Variants in GRP observed in about 807,000 individuals in gnomAD.
The protein encoded by GRP is gastrin-releasing peptide.
A neutral mutation model predicts 12.7 loss-of-function variants in GRP; 11 were observed. The ratio of observed to expected loss-of-function variants is 0.87; its 90% CI spans 0.55 to 1.44. The LOEUF (loss-of-function observed/expected upper bound fraction) is 1.44. Ranked by LOEUF, GRP falls within the 40% of genes most tolerant of loss-of-function variation. The pLI is 0.00. For missense variants in GRP, 212 were observed against 185.4 expected (o/e 1.14, Z -0.83); for synonymous variants, 84 against 77.7 (o/e 1.08, Z -0.43).
rs1386449278 is a variant in GRP at position 59,220,272 on chromosome 18, G to C, written c.7G>C (p.Gly3Arg). 6.0e-6 allele frequency: 9 copies of C among 1,504,288 alleles called. No individual in the cohort carries two copies. Among genetic ancestry groups the C allele is most frequent in the Admixed American group, 2.1e-5 (1 of 48,298 alleles). The allele number at this position is 1,504,288 out of a possible 1,614,324, so 93.2% of individuals were successfully genotyped here. Residue 3 changes from glycine (G) to arginine (R), a missense_variant, in exon 1 of 3, where the codon GGC becomes CGC. Transcript: ENST00000256857. MRGRELPLVLLAL... is the reference protein window; with the variant it reads MRRRELPLVLLAL... Reference sequence around the variant, plus strand: ...AGGGCTTCCCGTCGGGACCATGCGCGGCCGTGAGCTCCCGCTGGTCCTGCT... The same window carrying C: ...AGGGCTTCCCGTCGGGACCATGCGCCGCCGTGAGCTCCCGCTGGTCCTGCT...
At chr18:59,224,918 C>T (rs910894975) in intron 1 of GRP, among the ~76,000 whole-genome samples, 7 of 152,118 alleles carry the variant, frequency 4.6e-5, no homozygotes, top group African/African-American at 1.7e-4. Context: ...TCAGTCTCAA[C>T]TAAAACTCTG....
chr18:59,220,143 C>T (rs915575920), upstream of GRP: 6 of 618,618 alleles, frequency 9.7e-6, no homozygotes, highest in East Asian at 1.4e-4. Context: ...AAGTAGGGGC[C>T]CTAGTGGAGG....
chr18:59,221,402 C>A (rs1027618986), intron 1 of GRP, among the ~76,000 whole-genome samples: 4 of 152,174 alleles, frequency 2.6e-5, no homozygotes, highest in African/African-American at 9.7e-5. Flanking sequence ...GCTCACCCAG[C>A]ATCACCCCAG....
Position 59,225,700 on chromosome 18 carries a change from C to A in GRP, c.348C>A (p.Ser116Arg), listed in dbSNP as rs774136101. The change falls in exon 2 of 3, where the codon AGC becomes AGA. Residue 116 changes from serine to arginine, a missense_variant. Coordinates refer to ENST00000256857, the MANE Select transcript of GRP (RefSeq NM_002091.5). ...NQQPSWDSED[S>R]SNFKDVGSKG... ...AGCCTTCGTGGGATTCAGAGGATAG[C>A]AGCAACTTCAAAGATGTAGGTTCAA... 38 of 1,613,862 alleles carry A rather than the reference C, an allele frequency of 2.4e-5. No individual in the cohort carries two copies. Among genetic ancestry groups the A allele is most frequent in the Non-Finnish European group, 3.2e-5 (38 of 1,179,954 alleles).
chr18:59,224,911 G>T (rs545251383), intron 1 of GRP, among the ~76,000 whole-genome samples: 1 of 152,066 alleles, frequency 6.6e-6, no homozygotes, highest in Admixed American at 6.6e-5. Context: ...TCTCAGTTCA[G>T]TCTCAACTAA....
At chr18:59,221,476 C>A (rs957978879) in intron 1 of GRP, among the ~76,000 whole-genome samples, 29 of 152,284 alleles carry the variant, frequency 1.9e-4, no homozygotes, top group African/African-American at 6.0e-4. Flanking sequence ...CTCACTCCCC[C>A]ACCTACCCGC....
chr18:59,223,200 T>C (rs1306176312), intron 1 of GRP, among the ~76,000 whole-genome samples: 2 of 152,246 alleles, frequency 1.3e-5, no homozygotes. Flanking sequence ...CAAGTGCCTG[T>C]CTTTTGTCTA....
chr18:59,228,449 T>C (rs982123599), intron 2 of GRP, among the ~76,000 whole-genome samples: 6 of 152,206 alleles, frequency 3.9e-5, no homozygotes, highest in Admixed American at 6.5e-5. Flanking sequence ...TATGCTCTCC[T>C]CTCTCATTTT....
intron 1 of GRP, among the ~76,000 whole-genome samples, chr18:59,222,073 T>G (rs995002288): frequency 3.9e-5 from 6 of 152,206 alleles, no homozygotes; most frequent in African/African-American, 1.4e-4. Context: ...GGCCATTATC[T>G]GGCCCAGCCA....
At chr18:59,227,012 T>TCTTTCTTTCTTTCTTTCTTC (rs2069940250) in intron 2 of GRP, among the ~76,000 whole-genome samples, 8 of 130,272 alleles carry the variant, frequency 6.1e-5, no homozygotes, top group African/African-American at 1.5e-4. Flanking sequence ...TTTCTTTCTT[T>TCTTTCTTTCTTTCTTTCTTC]CTTTCTTTCT....
chr18:59,230,287 G>T (rs771757995), intron 2 of GRP, 117 bp from the exon 3 acceptor site: 5 of 701,112 alleles, frequency 7.1e-6, no homozygotes, highest in South Asian at 1.6e-5. Flanking sequence ...GCTGAACCAA[G>T]AATTTGCCTT....
Position 59,220,315 on chromosome 18 carries a change from T to A in GRP, c.50T>A (p.Leu17Gln), listed in dbSNP as rs1403453040. ...PLVLLALVLC[L>Q]APRGRAVPLP... ...GTCCTGCTGGCGCTGGTCCTCTGCC[T>A]GGCGCCCCGGGGGCGAGCGGTCCCG... The change falls in exon 1 of 3, where the codon CTG becomes CAG. Residue 17 changes from leucine (L) to glutamine (Q), a missense_variant. Leu to Gln is a moderately radical substitution (Grantham distance 113, BLOSUM62 -2). Coordinates refer to ENST00000256857, the MANE Select transcript of GRP (RefSeq NM_002091.5). 6.7e-7 allele frequency: 1 copy of A among 1,501,502 alleles called. No homozygotes were observed. Among genetic ancestry groups the A allele is most frequent in the Non-Finnish European group, 8.9e-7 (1 of 1,128,966 alleles). 93.0% of individuals were successfully genotyped at this position (1,501,502 alleles called of 1,614,324 possible).
chr18:59,220,370 CA>C lies in GRP; in HGVS notation c.107del (p.Lys36ArgfsTer14). On this transcript the variant is annotated frameshift_variant, in exon 1 of 3. Coordinates refer to ENST00000256857, the MANE Select transcript of GRP (RefSeq NM_002091.5). LOFTEE classifies it high-confidence loss of function. ...LPAGGGTVLT[K>X]MYPRGNHWAV... ...CTGCGGGCGGAGGGACCGTGCTGACCAAGATGTACCCGCGCGGCAACCACTG... is the reference window on the plus strand; with the variant it reads ...CTGCGGGCGGAGGGACCGTGCTGACCAGATGTACCCGCGCGGCAACCACTG... 7.0e-7 allele frequency: 1 copy of C among 1,431,668 alleles called. No individual in the cohort carries two copies. The allele number at this position is 1,431,668 out of a possible 1,614,324, so 88.7% of individuals were successfully genotyped here. A position where few individuals can be genotyped will look rare whatever the true frequency, so the allele number is the denominator to read the frequency against.
At chr18:59,219,524 G>T (rs2069793138), upstream of GRP, among the ~76,000 whole-genome samples, 1 of 48,910 alleles carries the variant, frequency 2.0e-5, no homozygotes, top group Non-Finnish European at 4.7e-5. Flanking sequence ...GAGGGGAGAG[G>T]AGGGGAGAGG....
rs144127735 is a variant in GRP, at chr18:59,225,178, T to C, written c.140-314T>C. Among the ~76,000 whole-genome samples, 265 of 152,242 alleles carry C rather than the reference T, an allele frequency of 1.7e-3. 1 individual carries two copies. Among genetic ancestry groups the C allele is most frequent in the African/African-American group, 6.1e-3 (255 of 41,550 alleles). The stretch of plus-strand genomic sequence containing the variant: ...AATCTAGTCTACCCTGTTCATTTTA[T>C]AGTTGAGAAAATTGAAGACTAGGGG... On this transcript the variant is annotated intron_variant, in intron 1 of 2. Transcript: ENST00000256857.
chr18:59,220,248 G>C lies in GRP; in HGVS notation c.-18G>C. Reference sequence around the variant, plus strand: ...TCCCAGCCTCTCCGGCGCGCTCCAAGGGCTTCCCGTCGGGACCATGCGCGG... The same window carrying C: ...TCCCAGCCTCTCCGGCGCGCTCCAACGGCTTCCCGTCGGGACCATGCGCGG... On this transcript the variant is annotated 5_prime_UTR_variant, in exon 1 of 3. Coordinates refer to ENST00000256857, the MANE Select transcript of GRP (RefSeq NM_002091.5). The C allele has an allele frequency of 1.3e-6, 2 of 1,482,434 alleles. No individual in the cohort carries two copies. The highest frequency in any genetic ancestry group is 2.6e-5 in the South Asian group (2 of 78,396). 91.8% of individuals were successfully genotyped at this position (1,482,434 alleles called of 1,614,324 possible).
Position 59,230,454 on chromosome 18 carries a change from C to A in GRP, c.433C>A (p.Leu145Met). The change falls in exon 3 of 3, where the codon CTG becomes ATG. Residue 145 changes from leucine (L) to methionine (M), a missense_variant. Transcript: ENST00000256857. ...GSQREGRNPQ[L>M]NQQ ...TCAACGTGAAGGAAGGAACCCCCAGCTGAACCAGCAATGATAATGATGGCC... is the reference window on the plus strand; with the variant it reads ...TCAACGTGAAGGAAGGAACCCCCAGATGAACCAGCAATGATAATGATGGCC... The A allele has an allele frequency of 6.3e-7, 1 of 1,591,420 alleles. No individual in the cohort carries two copies. The highest frequency in any genetic ancestry group is 8.6e-7 in the Non-Finnish European group (1 of 1,159,188).
chr18:59,221,466 C>T (rs2069832567), intron 1 of GRP, among the ~76,000 whole-genome samples: 1 of 152,200 alleles, frequency 6.6e-6, no homozygotes, highest in Admixed American at 6.5e-5. Flanking sequence ...GTCCAACTTC[C>T]TCACTCCCCC....
At chr18:59,226,505 C>G (rs565252312) in intron 2 of GRP, among the ~76,000 whole-genome samples, 1 of 152,282 alleles carries the variant, frequency 6.6e-6, no homozygotes, top group African/African-American at 2.4e-5. Flanking sequence ...TTGGGCTAAG[C>G]AGTTTACCTC....
Sources: allele counts gnomAD v4.1 joint callset (sites outside exome capture counted in the v4.1 genomes callset), GRCh38; gene constraint gnomAD v4.1.1; transcripts MANE v1.5; gene names NCBI Gene and HGNC (gene_info 2026-07-23, HGNC 2026-07-21).